Variants in PTCH1 observed in about 807,000 individuals in gnomAD.
PTCH1 encodes protein patched homolog 1.
Under a neutral mutation model 144.6 loss-of-function variants are expected in PTCH1, and 14 were observed. The ratio of observed to expected loss-of-function variants is 0.10; its 90% CI spans 0.06 to 0.15. The LOEUF is 0.15. PTCH1 is among the 10% of genes least tolerant of loss of function. The pLI is 1.00. For synonymous variants in PTCH1, 833 were observed against 793.6 expected (o/e 1.05, Z -0.83); for missense variants, 1,623 against 1,948.3 (o/e 0.83, Z 3.14).
At chr9:95,446,700 G>C (rs1251851306) in intron 23 of PTCH1, 1 of 650,682 alleles carries the variant, frequency 1.5e-6, no homozygotes, top group Admixed American at 2.5e-5. Flanking sequence ...AGCAGTGGGG[G>C]AAGAGAGCAG....
At chr9:95,496,327 T>C (rs1842788218) in intron 2 of PTCH1, among the ~76,000 whole-genome samples, 1 of 152,232 alleles carries the variant, frequency 6.6e-6, no homozygotes, top group Admixed American at 6.5e-5. Context: ...TGGCAAGATT[T>C]TTCCACGTTG....
At chr9:95,512,663 G>C (rs1240675345), upstream of PTCH1, among the ~76,000 whole-genome samples, 3 of 152,098 alleles carry the variant, frequency 2.0e-5, no homozygotes, top group Non-Finnish European at 4.4e-5. Context: ...CCTGTGCAGG[G>C]GACTGCTGTG....
At chr9:95,493,412 C>A (rs1446094548) in intron 2 of PTCH1, among the ~76,000 whole-genome samples, 1 of 152,206 alleles carries the variant, frequency 6.6e-6, no homozygotes, top group Admixed American at 6.5e-5. Flanking sequence ...GCACCAGGGG[C>A]ATGGCACACC....
chr9:95,511,800 C>T (rs866352682), upstream of PTCH1, among the ~76,000 whole-genome samples: 3 of 152,194 alleles, frequency 2.0e-5, no homozygotes, highest in Non-Finnish European at 4.4e-5. Flanking sequence ...CAAGTCGAAC[C>T]ATTGTGTGTT....
At chr9:95,506,216 A>G (rs1843611067) in intron 2 of PTCH1, 191 bp downstream of exon 2, 1 of 595,722 alleles carries the variant, frequency 1.7e-6, no homozygotes, top group African/African-American at 2.0e-5. Context: ...CGCCCCGAGT[A>G]GATTACAGCG....
chr9:95,496,691 G>A (rs1327186244), intron 2 of PTCH1, among the ~76,000 whole-genome samples: 1 of 151,888 alleles, frequency 6.6e-6, no homozygotes, highest in East Asian at 1.9e-4. Flanking sequence ...TTTTTTTCTG[G>A]ATCATGTGTA....
intron 10 of PTCH1, among the ~76,000 whole-genome samples, chr9:95,477,293 T>A (rs1482481487): frequency 6.6e-6 from 1 of 152,162 alleles, no homozygotes; most frequent in Non-Finnish European, 1.5e-5. Flanking sequence ...GCCACAACCC[T>A]GGTCAATGAC....
intron 12 of PTCH1, among the ~76,000 whole-genome samples, chr9:95,471,615 T>C (rs763376952): frequency 6.6e-6 from 1 of 152,240 alleles, no homozygotes; most frequent in Non-Finnish European, 1.5e-5. Context: ...GCCAGACCTA[T>C]ACACAAATGA....
intron 16 of PTCH1, 50 bp downstream of exon 16, chr9:95,461,806 A>G (rs777387422): frequency 8.7e-6 from 14 of 1,610,554 alleles, no homozygotes; most frequent in Non-Finnish European, 1.2e-5. Flanking sequence ...CCACCAGGGC[A>G]GCGGCCCCGC....
At chr9:95,466,955 G>A (rs1018717261) in intron 15 of PTCH1, among the ~76,000 whole-genome samples, 161 bp downstream of exon 15, 5 of 152,210 alleles carry the variant, frequency 3.3e-5, no homozygotes, top group Admixed American at 6.5e-5. Context: ...GGAGGCTGCT[G>A]CAGAAACAGT....
intron 7 of PTCH1, 161 bp downstream of exon 7, chr9:95,479,808 C>A (rs1841380230): frequency 6.9e-6 from 8 of 1,157,468 alleles, no homozygotes; most frequent in Non-Finnish European, 8.8e-6. Flanking sequence ...CAAGCTGTTG[C>A]AGTCTGCTAC....
In PTCH1 at chr9:95,485,856, C is replaced by T. The variant is rs763774051; in HGVS notation, c.413G>A (p.Arg138His). 8.7e-6 allele frequency: 14 copies of T among 1,614,052 alleles called. No individual in the cohort carries two copies. Among genetic ancestry groups the T allele is most frequent in the South Asian group, 2.2e-5 (2 of 91,084 alleles). The change falls in exon 3 of 24, where the codon CGT becomes CAT. Residue 138 changes from arginine to histidine, a missense_variant. Around this residue, in one of 7 missense-constraint regions of PTCH1, gnomAD observed 245 missense variants for 240.6 expected, o/e 1.02. Transcript: ENST00000331920. Reference sequence around the variant, plus strand: ...CTTCTGGCGAGTATAATTTAATTCACGACTTACTCGTCCTCCAACTGACAA... The same window carrying T: ...CTTCTGGCGAGTATAATTTAATTCATGACTTACTCGTCCTCCAACTGACAA... ...LWVEVGGRVS[R>H]ELNYTRQKIG...
Position 95,449,546 on chromosome 9 carries a change from G to C in PTCH1, c.3550-223C>G. On this transcript the variant is annotated intron_variant, in intron 21 of 23. Transcript: ENST00000331920. The surrounding 1 kb of genome is among the most constrained non-coding windows in gnomAD (Gnocchi z 5.3). ...GCTCCACACTGGAAAGGCAGGATGTGTACTTTTTACTCTTGTGAAGTCCAA... is the reference window on the plus strand; with the variant it reads ...GCTCCACACTGGAAAGGCAGGATGTCTACTTTTTACTCTTGTGAAGTCCAA... 1.5e-6 allele frequency: 1 copy of C among 668,564 alleles called. No individual in the cohort carries two copies. The highest frequency in any genetic ancestry group is 2.5e-6 in the Non-Finnish European group (1 of 394,454). 41.4% of individuals were successfully genotyped at this position (668,564 alleles called of 1,614,324 possible).
At position 95,459,668 on chromosome 9, in the gene PTCH1, T is replaced by C. The variant is rs749406453; in HGVS notation, c.2819A>G (p.Asn940Ser). The C allele has an allele frequency of 6.2e-7, 1 of 1,614,178 alleles. No individual in the cohort carries two copies. The highest frequency in any genetic ancestry group is 8.5e-7 in the Non-Finnish European group (1 of 1,180,034). The part of the protein sequence containing the change: ...DPVAYAASQA[N>S]IRPHRPEWVH... Reference sequence around the variant, plus strand: ...CCATTCTGGTCGGTGTGGCCGGATGTTGGCCTGGGAGGCAGCATACGCGAC... The same window carrying C: ...CCATTCTGGTCGGTGTGGCCGGATGCTGGCCTGGGAGGCAGCATACGCGAC... The change falls in exon 17 of 24, where the codon AAC (asparagine) becomes AGC (serine). Residue 940 changes from asparagine (N) to serine (S), a missense_variant. Transcript: ENST00000331920.
intron 12 of PTCH1, among the ~76,000 whole-genome samples, chr9:95,473,712 T>C (rs1463050085): frequency 1.3e-5 from 2 of 150,562 alleles, no homozygotes; most frequent in Non-Finnish European, 3.0e-5. Context: ...GCCCGGCAAA[T>C]TTTGTATTTT....
chr9:95,458,148 G>C lies in PTCH1; in HGVS notation c.3033C>G (p.Asn1011Lys). 1 of 1,614,246 alleles carries C rather than the reference G, an allele frequency of 6.2e-7. No individual in the cohort carries two copies. Among genetic ancestry groups the C allele is most frequent in the Non-Finnish European group, 8.5e-7 (1 of 1,180,050 alleles). ...GCTCCCAGAAGAGGAAGGGGTAGCCGTTGGGGTAACTGGACAGCCCCAGGC... is the reference window on the plus strand; with the variant it reads ...GCTCCCAGAAGAGGAAGGGGTAGCCCTTGGGGTAACTGGACAGCCCCAGGC... ...YTSLGLSSYP[N>K]GYPFLFWEQY... is the part of the protein sequence containing the mutation. Residue 1011 changes from asparagine to lysine, a missense_variant, in exon 18 of 24, where the codon AAC (asparagine) becomes AAG (lysine). Around this residue, in one of 7 missense-constraint regions of PTCH1, gnomAD observed 504 missense variants for 679.3 expected, o/e 0.74. Transcript: ENST00000331920. This position sits in a 1 kb window ranked among gnomAD's most constrained non-coding sequence, Gnocchi z 4.7.
intron 16 of PTCH1, among the ~76,000 whole-genome samples, chr9:95,461,345 C>T (rs1839438409): frequency 6.6e-6 from 1 of 152,210 alleles, no homozygotes; most frequent in South Asian, 2.1e-4. Context: ...CTGTCTACTC[C>T]TGGGGCCAGG....
intron 18 of PTCH1, among the ~76,000 whole-genome samples, chr9:95,456,663 T>C (rs1002512794): frequency 6.6e-6 from 1 of 152,156 alleles, no homozygotes; most frequent in African/African-American, 2.4e-5. Flanking sequence ...TATTTTCCAA[T>C]GTACCTTCTC....
Position 95,446,897 on chromosome 9 carries a change from T to G in PTCH1, c.*1+14A>C. On this transcript the variant is annotated intron_variant, in intron 23 of 23. Transcript: ENST00000331920. ...GCTCTAGGTCCCTTGGCTGCCCTTGTCAGTGGCACTCACCTCAGTTGGAGC... is the reference window on the plus strand; with the variant it reads ...GCTCTAGGTCCCTTGGCTGCCCTTGGCAGTGGCACTCACCTCAGTTGGAGC... The G allele has an allele frequency of 6.2e-7, 1 of 1,613,574 alleles. No individual in the cohort carries two copies. Among genetic ancestry groups the G allele is most frequent in the Non-Finnish European group, 8.5e-7 (1 of 1,179,996 alleles).
Sources: gnomAD v4.1 joint callset for allele counts (sites outside exome capture counted in the v4.1 genomes callset) on GRCh38, gnomAD v4.1.1 for gene constraint, gnomAD v4.1.1 regional missense constraint, Gnocchi (gnomAD v3.1) non-coding constraint, MANE v1.5 for transcripts, NCBI Gene and HGNC (gene_info 2026-07-23, HGNC 2026-07-21) for gene names.